The following USP13 variants were observed in gnomAD, a reference collection of about 807,000 sequenced individuals.
The protein encoded by USP13 is ubiquitin specific peptidase 13.
In USP13, 68 loss-of-function variants were observed where a neutral mutation model predicts 107.8. The observed-to-expected ratio is 0.63, with a 90% confidence interval of 0.52 to 0.77. The LOEUF (loss-of-function observed/expected upper bound fraction) is 0.77. Among genes scored for constraint, USP13 ranks in the 30% least tolerant of loss-of-function variants. The pLI is 0.00. For missense variants in USP13, 945 were observed against 1,093.3 expected (o/e 0.86, Z 1.91); for synonymous variants, 377 against 389.5 (o/e 0.97, Z 0.38).
intron 6 of USP13, among the ~76,000 whole-genome samples, 155 bp downstream of exon 6, chr3:179,709,112 G>C (rs1712832683): frequency 6.6e-6 from 1 of 152,156 alleles, no homozygotes; most frequent in South Asian, 2.1e-4. Flanking sequence ...GAGGTCTTGG[G>C]CAAGTTTTCT....
intron 2 of USP13, among the ~76,000 whole-genome samples, chr3:179,687,227 GA>G (rs1711903281): frequency 6.6e-6 from 1 of 152,030 alleles, no homozygotes; most frequent in Non-Finnish European, 1.5e-5. Context: ...TTCAATTCTG[GA>G]GACCTAGATA....
At chr3:179,744,909 G>T in intron 12 of USP13, 134 bp from the exon 13 acceptor site, 2 of 1,036,756 alleles carry the variant, frequency 1.9e-6, no homozygotes, top group Non-Finnish European at 2.8e-6. Context: ...GGGGCATCTG[G>T]CTCTGTAAAG....
intron 1 of USP13, among the ~76,000 whole-genome samples, chr3:179,671,035 T>G (rs1720736706): frequency 6.6e-6 from 1 of 152,078 alleles, no homozygotes; most frequent in Non-Finnish European, 1.5e-5. Context: ...GGTGGATCAC[T>G]TGAGATCTGG....
At chr3:179,660,785 T>G (rs1452746230) in intron 1 of USP13, among the ~76,000 whole-genome samples, 1 of 152,252 alleles carries the variant, frequency 6.6e-6, no homozygotes, top group Non-Finnish European at 1.5e-5. Flanking sequence ...AAAGCAAAAT[T>G]TCAGAGCAGA....
chr3:179,784,221 A>G lies in USP13; in HGVS notation c.*80A>G. ...AAAAAAAAAGAAGAAGAAGAAGTTGAAACAACTAGACATGAAGGAATATAT... is the reference window on the plus strand; with the variant it reads ...AAAAAAAAAGAAGAAGAAGAAGTTGGAACAACTAGACATGAAGGAATATAT... On this transcript the variant is annotated 3_prime_UTR_variant, in exon 21 of 21. Transcript: ENST00000263966. 1 of 1,138,360 alleles carries G rather than the reference A, an allele frequency of 8.8e-7. No individual in the cohort carries two copies. 70.5% of individuals were successfully genotyped at this position (1,138,360 alleles called of 1,614,324 possible). A position where few individuals can be genotyped will look rare whatever the true frequency, so the allele number is the denominator to read the frequency against.
At chr3:179,750,304 G>GTATATATATA (rs61032635) in intron 13 of USP13, among the ~76,000 whole-genome samples, 1 of 113,514 alleles carries the variant, frequency 8.8e-6, no homozygotes, top group African/African-American at 2.9e-5. Context: ...ATATGTGTGT[G>GTATATATATA]TATATATATA....
intron 7 of USP13, 36 bp downstream of exon 7, chr3:179,720,070 TG>T (rs745901718): frequency 6.4e-7 from 1 of 1,568,246 alleles, no homozygotes; most frequent in South Asian, 1.1e-5. Context: ...CCATCTTGCA[TG>T]GGGTAGGGGT....
Position 179,765,721 on chromosome 3 carries a change from T to C in USP13, c.2286T>C (p.Asp762=), listed in dbSNP as rs762806020. ...ATAATAACCTGGAAAGAGCACTGGA[T>C]TGGATCTTTAGCCACCCTGAGTTTG... ...ATNNNLERAL[D]WIFSHPEFEE... Residue 762 remains aspartate (D), a synonymous_variant, in exon 19 of 21, where the codon GAT becomes GAC. Coordinates refer to ENST00000263966, the MANE Select transcript of USP13 (RefSeq NM_003940.3). 6.2e-7 allele frequency: 1 copy of C among 1,614,234 alleles called. No homozygotes were observed. The highest frequency in any genetic ancestry group is 8.5e-7 in the Non-Finnish European group (1 of 1,180,030).
At chr3:179,727,703 T>TG (rs201123167) in intron 8 of USP13, among the ~76,000 whole-genome samples, 8,540 of 37,792 alleles carry the variant, frequency 0.23, 1,830 homozygotes, top group African/African-American at 0.34. Flanking sequence ...GACGGGGTGG[T>TG]GCCAGGCAGA....
rs1449078569 is a variant in USP13 at position 179,788,348 on chromosome 3, TAC to T, written c.*4209_*4210del. The stretch of plus-strand genomic sequence containing the variant: ...GTGTCTGAGATCACCTGCACAGTGT[TAC>T]AGAGATTTTCCACTCCATAAATCAC... On this transcript the variant is annotated 3_prime_UTR_variant, in exon 21 of 21. Transcript: ENST00000263966. 2.0e-5 allele frequency: 3 copies of T among 152,222 alleles called. No homozygotes were observed. The highest frequency in any genetic ancestry group is 2.1e-4 in the South Asian group (1 of 4,832). The allele number at this position is 152,222 out of a possible 1,614,324, so 9.4% of individuals were successfully genotyped here.
intron 12 of USP13, among the ~76,000 whole-genome samples, chr3:179,744,646 GT>G (rs1166546128): frequency 6.6e-6 from 1 of 152,200 alleles, no homozygotes; most frequent in Non-Finnish European, 1.5e-5. Context: ...TTTTCTGGCT[GT>G]GAAATACTCT....
intron 3 of USP13, among the ~76,000 whole-genome samples, chr3:179,699,060 G>C (rs1201344924): frequency 6.6e-6 from 1 of 151,862 alleles, no homozygotes; most frequent in African/African-American, 2.4e-5. Flanking sequence ...GTAGAGACAG[G>C]GTTTCACCAT....
intron 6 of USP13, among the ~76,000 whole-genome samples, chr3:179,718,165 C>G (rs1158468085): frequency 6.6e-6 from 1 of 152,020 alleles, no homozygotes; most frequent in Non-Finnish European, 1.5e-5. Flanking sequence ...AATATAAGAG[C>G]AAAGAAATTG....
intron 6 of USP13, among the ~76,000 whole-genome samples, chr3:179,711,476 G>A (rs886331702): frequency 6.6e-6 from 1 of 152,202 alleles, no homozygotes; most frequent in Non-Finnish European, 1.5e-5. Context: ...GCCTCTCAAA[G>A]TGTTGGGATT....
chr3:179,677,000 G>A (rs1711504761), intron 1 of USP13, among the ~76,000 whole-genome samples: 1 of 151,980 alleles, frequency 6.6e-6, no homozygotes, highest in South Asian at 2.1e-4. Flanking sequence ...CTGGATTACA[G>A]GCACCTGCCA....
chr3:179,659,461 G>T (rs373033113), intron 1 of USP13, among the ~76,000 whole-genome samples: 1 of 152,190 alleles, frequency 6.6e-6, no homozygotes, highest in East Asian at 1.9e-4. Flanking sequence ...GGGTGGGGGT[G>T]TAGCAGTCTG....
chr3:179,750,229 C>T (rs1357844645), intron 13 of USP13, among the ~76,000 whole-genome samples: 3 of 150,610 alleles, frequency 2.0e-5, no homozygotes, highest in African/African-American at 7.3e-5. Context: ...CACGCCATTG[C>T]ACTCCAGCCT....
At chr3:179,704,692 T>A (rs1284978231) in intron 4 of USP13, among the ~76,000 whole-genome samples, 5 of 152,048 alleles carry the variant, frequency 3.3e-5, no homozygotes, top group Admixed American at 3.3e-4. Flanking sequence ...TTCTGGAAGG[T>A]GATGGGGGAT....
In USP13 at chr3:179,721,424, A is replaced by G. The variant is rs576659322; in HGVS notation, c.923A>G (p.Asn308Ser). 13 of 1,614,100 alleles carry G rather than the reference A, an allele frequency of 8.1e-6. No individual in the cohort carries two copies. The highest frequency in any genetic ancestry group is 2.2e-5 in the South Asian group (2 of 91,058). The change falls in exon 8 of 21, where the codon AAT becomes AGT. Residue 308 changes from asparagine to serine, a missense_variant. Physicochemically the swap from Asn to Ser is conservative, Grantham distance 46. Transcript: ENST00000263966. This position sits in a 1 kb window ranked among gnomAD's most constrained non-coding sequence, Gnocchi z 4.3. ...CAGACAGAGAATGGGCTCCAGGACAATGACATCAAGCTGAGGGTCAGTGAG... is the reference window on the plus strand; with the variant it reads ...CAGACAGAGAATGGGCTCCAGGACAGTGACATCAAGCTGAGGGTCAGTGAG... ...MHGTENGLQDNDIKLRVSEWE... is the reference protein window; with the variant it reads ...MHGTENGLQDSDIKLRVSEWE...
Sources: allele counts gnomAD v4.1 joint callset (sites outside exome capture counted in the v4.1 genomes callset), GRCh38; gene constraint gnomAD v4.1.1; non-coding constraint Gnocchi (gnomAD v3.1); transcripts MANE v1.5; gene names NCBI Gene and HGNC (gene_info 2026-07-23, HGNC 2026-07-21).